The following CAMTA1 variants were observed in gnomAD, a reference collection of about 807,000 sequenced individuals.
CAMTA1 encodes calmodulin-binding transcription activator 1.
A neutral mutation model predicts 170.9 loss-of-function variants in CAMTA1; 27 were observed. The ratio of observed to expected loss-of-function variants is 0.16; its 90% CI spans 0.12 to 0.22. The LOEUF (loss-of-function observed/expected upper bound fraction) is 0.22. Among genes scored for constraint, CAMTA1 ranks in the 10% least tolerant of loss-of-function variants. The pLI is 1.00. For missense variants in CAMTA1, 1,619 were observed against 2,217.2 expected (o/e 0.73, Z 5.42); for synonymous variants, 833 against 891.5 (o/e 0.93, Z 1.17).
intron 4 of CAMTA1, among the ~76,000 whole-genome samples, chr1:7,121,715 G>A (rs1434193631): frequency 6.6e-6 from 1 of 152,200 alleles, no homozygotes; most frequent in Non-Finnish European, 1.5e-5. Flanking sequence ...AGCCCGAGAC[G>A]GGAGCTGGCA....
In CAMTA1 at chr1:7,592,757, C is replaced by T. The variant is rs75065605; in HGVS notation, c.511-47643C>T. 0.014 allele frequency among the ~76,000 whole-genome samples: 2,171 copies of T among 152,280 alleles called. 27 individuals are homozygous for T. Among genetic ancestry groups the T allele is most frequent in the East Asian group, 0.037 (191 of 5,160 alleles). On this transcript the variant is annotated intron_variant, in intron 6 of 22. Coordinates refer to ENST00000303635, the MANE Select transcript of CAMTA1 (RefSeq NM_015215.4). This position sits in a 1 kb window ranked among gnomAD's most constrained non-coding sequence, Gnocchi z 4.6. Reference sequence around the variant, plus strand: ...AACCAGCATCTCCTGCATCCTCTACCTTGGAAAATGAGGATTCTCCGAGAG... The same window carrying T: ...AACCAGCATCTCCTGCATCCTCTACTTTGGAAAATGAGGATTCTCCGAGAG...
At chr1:6,897,083 C>T (rs978659132) in intron 3 of CAMTA1, among the ~76,000 whole-genome samples, 2 of 152,198 alleles carry the variant, frequency 1.3e-5, no homozygotes, top group Non-Finnish European at 2.9e-5. Context: ...GAGAACCTCT[C>T]CCTTCTCATG....
At chr1:7,233,960 C>A (rs1171107831) in intron 4 of CAMTA1, among the ~76,000 whole-genome samples, 1 of 152,178 alleles carries the variant, frequency 6.6e-6, no homozygotes, top group African/African-American at 2.4e-5. Flanking sequence ...GCTTTTTCTT[C>A]CTTGCGCTTA....
intron 4 of CAMTA1, among the ~76,000 whole-genome samples, chr1:7,178,478 C>T (rs1184600975): frequency 1.3e-5 from 2 of 152,118 alleles, no homozygotes; most frequent in Non-Finnish European, 2.9e-5. Context: ...TGAACTAAGC[C>T]ACACCCCTCC....
At chr1:6,862,435 G>GGTT (rs1665093333) in intron 3 of CAMTA1, among the ~76,000 whole-genome samples, 1 of 152,202 alleles carries the variant, frequency 6.6e-6, no homozygotes, top group Non-Finnish European at 1.5e-5. Context: ...TGGGTGCATG[G>GGTT]GTTGTTTCAG....
intron 4 of CAMTA1, among the ~76,000 whole-genome samples, chr1:7,227,521 G>A (rs1055725394): frequency 1.1e-4 from 17 of 152,098 alleles, no homozygotes; most frequent in Admixed American, 4.6e-4. Flanking sequence ...TAGAGACGGG[G>A]TTTCTCCATG....
intron 6 of CAMTA1, among the ~76,000 whole-genome samples, chr1:7,587,387 A>G (rs1317021689): frequency 2.0e-5 from 3 of 151,792 alleles, no homozygotes; most frequent in African/African-American, 4.9e-5. Context: ...ATCTAAACCC[A>G]ATTACCGGGA....
intron 4 of CAMTA1, among the ~76,000 whole-genome samples, chr1:7,123,363 T>A (rs1204260849): frequency 1.3e-5 from 2 of 152,188 alleles, no homozygotes; most frequent in African/African-American, 2.4e-5. Flanking sequence ...ATGCCAGTCA[T>A]CTTGGAATAG....
At chr1:6,894,578 G>A (rs1165371567) in intron 3 of CAMTA1, among the ~76,000 whole-genome samples, 1 of 152,226 alleles carries the variant, frequency 6.6e-6, no homozygotes, top group African/African-American at 2.4e-5. Context: ...AGCTGCCGCT[G>A]TGCTGATTTG....
intron 21 of CAMTA1, among the ~76,000 whole-genome samples, chr1:7,753,915 G>A (rs1021748000): frequency 3.3e-5 from 5 of 152,166 alleles, no homozygotes; most frequent in African/African-American, 7.2e-5. Context: ...TCCCCAAAAC[G>A]GGTATGGCTC....
intron 5 of CAMTA1, among the ~76,000 whole-genome samples, chr1:7,383,069 A>G (rs1385530839): frequency 6.6e-6 from 1 of 152,202 alleles, no homozygotes; most frequent in African/African-American, 2.4e-5. Flanking sequence ...TTAGCGTTCT[A>G]TGTGGGAAGA....
chr1:6,936,771 G>A (rs191657362), intron 3 of CAMTA1, among the ~76,000 whole-genome samples: 2 of 152,220 alleles, frequency 1.3e-5, no homozygotes, highest in Non-Finnish European at 2.9e-5. Flanking sequence ...GGTGGATCAC[G>A]AGGTCAGCCG....
intron 11 of CAMTA1, among the ~76,000 whole-genome samples, chr1:7,692,052 C>T (rs1393357852): frequency 2.6e-5 from 4 of 152,004 alleles, no homozygotes; most frequent in African/African-American, 4.8e-5. Flanking sequence ...GTCCTCAGGG[C>T]TGACTGCAGC....
At chr1:7,367,562 A>G (rs2086069165) in intron 5 of CAMTA1, among the ~76,000 whole-genome samples, 1 of 152,168 alleles carries the variant, frequency 6.6e-6, no homozygotes, top group Non-Finnish European at 1.5e-5. Context: ...GCACCTTTGG[A>G]GAAACACTGG....
At chr1:6,895,660 C>T (rs2149168380) in intron 3 of CAMTA1, among the ~76,000 whole-genome samples, 1 of 152,334 alleles carries the variant, frequency 6.6e-6, no homozygotes, top group African/African-American at 2.4e-5. Flanking sequence ...ATCCATCAAA[C>T]ATGATTCTTT....
At chr1:6,950,767 G>A (rs1688348705) in intron 3 of CAMTA1, among the ~76,000 whole-genome samples, 1 of 149,788 alleles carries the variant, frequency 6.7e-6, no homozygotes, top group Non-Finnish European at 1.5e-5. Context: ...CTCCCGTCAT[G>A]TACCACAAAG....
intron 4 of CAMTA1, among the ~76,000 whole-genome samples, chr1:7,196,214 C>T (rs1172333028): frequency 6.6e-6 from 1 of 152,104 alleles, no homozygotes; most frequent in Non-Finnish European, 1.5e-5. Flanking sequence ...CTCTCTCTCT[C>T]TCTCCTACTC....
At chr1:7,190,237 TACTC>T (rs987630188) in intron 4 of CAMTA1, among the ~76,000 whole-genome samples, 50 of 152,114 alleles carry the variant, frequency 3.3e-4, no homozygotes, top group Admixed American at 1.1e-3. Flanking sequence ...CTAAAGAACT[TACTC>T]ACGTAACCAA....
intron 3 of CAMTA1, chr1:6,852,985 G>A (rs1304177046): frequency 7.1e-6 from 1 of 141,114 alleles, no homozygotes; most frequent in Non-Finnish European, 1.6e-5. Flanking sequence ...TCTTACTACC[G>A]TGTTTCAGGG....
Sources: allele counts gnomAD v4.1 joint callset (sites outside exome capture counted in the v4.1 genomes callset), GRCh38; gene constraint gnomAD v4.1.1; non-coding constraint Gnocchi (gnomAD v3.1); transcripts MANE v1.5; gene names NCBI Gene and HGNC (gene_info 2026-07-23, HGNC 2026-07-21).